The following SPHKAP variants were observed in gnomAD, a reference collection of about 807,000 sequenced individuals.
SPHKAP encodes the protein SPHK1 interactor, AKAP domain containing.
A neutral mutation model predicts 137.5 loss-of-function variants in SPHKAP; 67 were observed. The observed-to-expected ratio is 0.49, with a 90% CI of 0.40 to 0.60. The LOEUF is 0.60. Among genes scored for constraint, SPHKAP ranks in the 20% least tolerant of loss-of-function variants. The pLI is 0.00. For missense variants in SPHKAP, 2,097 were observed against 2,069.3 expected, an observed-to-expected ratio of 1.01 and a Z score of -0.26; for synonymous variants, 813 against 785.3, an observed-to-expected ratio of 1.04 and a Z score of -0.59.
chr2:228,085,651 G>A (rs568140448), intron 3 of SPHKAP, among the ~76,000 whole-genome samples: 2 of 152,284 alleles, frequency 1.3e-5, no homozygotes, highest in South Asian at 4.1e-4. Flanking sequence ...GGCTTATCTT[G>A]AAATTGCATT....
intron 3 of SPHKAP, among the ~76,000 whole-genome samples, chr2:228,049,686 C>T (rs1696184626): frequency 6.6e-6 from 1 of 152,104 alleles, no homozygotes. Context: ...CCAGATCTTC[C>T]CATTTTTTAT....
chr2:227,982,418 A>G (rs1011051973), intron 11 of SPHKAP: 9 of 961,892 alleles, frequency 9.4e-6, no homozygotes, highest in Non-Finnish European at 9.9e-6. Flanking sequence ...GGATCAGGAA[A>G]GATGGAGGAA....
In SPHKAP at chr2:228,017,960, C is replaced by A; in HGVS notation, c.2894G>T (p.Gly965Val). 6.2e-7 allele frequency: 1 copy of A among 1,614,132 alleles called. No individual in the cohort carries two copies. ...KQPWFCAWKR[G>V]SEFLMTPNVP... ...GTTGGGTGTCATCAGAAACTCACTC[C>A]CTCTTTTCCATGCACAAAACCAGGG... is the stretch of plus-strand genomic sequence containing the variant. Residue 965 changes from glycine to valine, a missense_variant, in exon 7 of 12, where the codon GGG becomes GTG. Physicochemically the swap from Gly to Val is moderately radical, Grantham distance 109. Coordinates refer to ENST00000392056, the MANE Select transcript of SPHKAP (RefSeq NM_001142644.2).
intron 1 of SPHKAP, among the ~76,000 whole-genome samples, chr2:228,178,578 C>T (rs1327365884): frequency 6.6e-6 from 1 of 151,814 alleles, no homozygotes; most frequent in Non-Finnish European, 1.5e-5. Flanking sequence ...TGCGACTTAG[C>T]AAATCAAATC....
intron 3 of SPHKAP, among the ~76,000 whole-genome samples, chr2:228,051,755 G>A (rs1696262827): frequency 6.6e-6 from 1 of 152,196 alleles, no homozygotes; most frequent in South Asian, 2.1e-4. Context: ...ATTTCTCAGA[G>A]TTCTGAAGGT....
intron 3 of SPHKAP, among the ~76,000 whole-genome samples, chr2:228,088,405 C>A (rs945840375): frequency 6.6e-6 from 1 of 151,882 alleles, no homozygotes; most frequent in African/African-American, 2.4e-5. Context: ...ATTACAGCAA[C>A]CACTAAGAAA....
chr2:228,028,071 C>A (rs1001952553), intron 3 of SPHKAP: 114 of 985,178 alleles, frequency 1.2e-4, no homozygotes, highest in South Asian at 9.4e-5. Flanking sequence ...AACAAATGCC[C>A]GCTTCCTTTC....
rs1696232968 is a variant in SPHKAP, at chr2:228,050,920, C to T, written c.247-23377G>A. 2.0e-5 allele frequency among the ~76,000 whole-genome samples: 3 copies of T among 152,176 alleles called. No homozygotes were observed. The South Asian group carries it at 6.2e-4, about 32-fold the overall frequency. ...TTCCTGGGCTCAGGTGGTCCTCCCA[C>T]CTTAGCCTCCTCAGTAGCTGGGACT... On this transcript the variant is annotated intron_variant, in intron 3 of 11. Coordinates refer to ENST00000392056, the MANE Select transcript of SPHKAP (RefSeq NM_001142644.2).
At chr2:228,064,517 T>C (rs1696762789) in intron 3 of SPHKAP, among the ~76,000 whole-genome samples, 1 of 152,232 alleles carries the variant, frequency 6.6e-6, no homozygotes, top group African/African-American at 2.4e-5. Context: ...TTCATTTCTG[T>C]TCAGTAAAAA....
intron 3 of SPHKAP, among the ~76,000 whole-genome samples, chr2:228,060,806 A>G (rs1472249002): frequency 1.3e-5 from 2 of 152,214 alleles, no homozygotes; most frequent in Non-Finnish European, 2.9e-5. Context: ...GGCATTCCCC[A>G]GAGAAAGGGG....
At chr2:228,005,505 T>C (rs1323496706) in intron 7 of SPHKAP, among the ~76,000 whole-genome samples, 2 of 152,208 alleles carry the variant, frequency 1.3e-5, no homozygotes, top group Admixed American at 6.5e-5. Context: ...CTTTATCCAA[T>C]TTGCCAGTCT....
intron 2 of SPHKAP, among the ~76,000 whole-genome samples, chr2:228,124,061 A>T (rs562533406): frequency 4.0e-5 from 6 of 151,592 alleles, no homozygotes; most frequent in African/African-American, 1.5e-4. Context: ...TTAGAATGGC[A>T]ATCATTAAAA....
At chr2:227,988,250 A>C (rs1693288287) in intron 11 of SPHKAP, among the ~76,000 whole-genome samples, 1 of 152,218 alleles carries the variant, frequency 6.6e-6, no homozygotes, top group Admixed American at 6.5e-5. Flanking sequence ...CACTATGTGC[A>C]GAGAGTCTTA....
At chr2:228,037,681 T>C (rs767786441) in intron 3 of SPHKAP, among the ~76,000 whole-genome samples, 4 of 152,074 alleles carry the variant, frequency 2.6e-5, no homozygotes, top group Non-Finnish European at 4.4e-5. Flanking sequence ...TGCGGGGAGA[T>C]AAGAGGTAGT....
chr2:228,134,116 G>A (rs539976286), intron 1 of SPHKAP, among the ~76,000 whole-genome samples: 17 of 107,938 alleles, frequency 1.6e-4, no homozygotes, highest in Non-Finnish European at 3.1e-4. Flanking sequence ...AAGGAAGGGA[G>A]AGAGAGAGAG....
chr2:228,098,533 G>A (rs1447409439), intron 3 of SPHKAP, among the ~76,000 whole-genome samples: 3 of 151,734 alleles, frequency 2.0e-5, no homozygotes, highest in Non-Finnish European at 4.4e-5. Context: ...AACACTGCAT[G>A]TTCTCACTCA....
chr2:228,091,156 A>AT (rs1313480610), intron 3 of SPHKAP, among the ~76,000 whole-genome samples: 1 of 152,204 alleles, frequency 6.6e-6, no homozygotes, highest in African/African-American at 2.4e-5. Flanking sequence ...AAGTAAAAGG[A>AT]TAAAAACAGA....
rs1369212715 is a variant in SPHKAP, at chr2:228,181,561, T to A, written c.32+6A>T. Reference sequence around the variant, plus strand: ...GGTATTGGGCATAGAAAGAAGCGGGTCTTACCTTGGTACCGAGAGCAGGGA... The same window carrying A: ...GGTATTGGGCATAGAAAGAAGCGGGACTTACCTTGGTACCGAGAGCAGGGA... On this transcript the variant is annotated splice_donor_region_variant and intron_variant, in intron 1 of 11. Transcript: ENST00000392056. This position sits in a 1 kb window ranked among gnomAD's most constrained non-coding sequence, Gnocchi z 4.3. 7 of 1,613,556 alleles carry A rather than the reference T, an allele frequency of 4.3e-6. No individual in the cohort carries two copies. The highest frequency in any genetic ancestry group is 5.9e-6 in the Non-Finnish European group (7 of 1,179,892).
rs1559347145 is a variant in SPHKAP, at chr2:228,016,529, T to C, written c.4325A>G (p.Glu1442Gly). 1.2e-6 allele frequency: 2 copies of C among 1,614,056 alleles called. No homozygotes were observed. The highest frequency in any genetic ancestry group is 1.7e-6 in the Non-Finnish European group (2 of 1,180,014). ...GCTTTTGGAAAGGAAGGGTTCAGGT[T>C]CCCCAGCACAGGCTTCTCTCTGATC... ...ETDQREACAGEPEPFLSKSSL... is the reference protein window; with the variant it reads ...ETDQREACAGGPEPFLSKSSL... Residue 1442 changes from glutamate to glycine, a missense_variant, in exon 7 of 12, where the codon GAA (glutamate) becomes GGA (glycine). By Grantham distance (98) the Glu-to-Gly change is moderately conservative (BLOSUM62 -2). Coordinates refer to ENST00000392056, the MANE Select transcript of SPHKAP (RefSeq NM_001142644.2).
Sources: allele counts gnomAD v4.1 joint callset (sites outside exome capture counted in the v4.1 genomes callset), GRCh38; gene constraint gnomAD v4.1.1; non-coding constraint Gnocchi (gnomAD v3.1); transcripts MANE v1.5; gene names NCBI Gene and HGNC (gene_info 2026-07-23, HGNC 2026-07-21).